APBB1IP: variants seen among roughly 807,000 people sequenced by gnomAD.
The protein encoded by APBB1IP is amyloid beta precursor protein binding family B member 1 interacting protein, also known as amyloid beta A4 precursor protein-binding family B member 1-interacting protein.
A neutral mutation model predicts 64.9 loss-of-function variants in APBB1IP; 27 were observed. The ratio of observed to expected loss-of-function variants is 0.42; its 90% CI spans 0.31 to 0.57. The LOEUF is 0.57. APBB1IP is among the 20% of genes least tolerant of loss of function. The pLI, the probability that APBB1IP is intolerant of heterozygous loss-of-function variation, is 0.20. For synonymous variants in APBB1IP, 392 were observed against 331.0 expected (o/e 1.18, Z -2.00); for missense variants, 812 against 845.5 (o/e 0.96, Z 0.49).
chr10:26,519,483 A>G (rs908787329), intron 8 of APBB1IP, among the ~76,000 whole-genome samples: 2 of 152,124 alleles, frequency 1.3e-5, no homozygotes, highest in Non-Finnish European at 1.5e-5. Context: ...ACATGCTTTT[A>G]AACACCCAGA....
intron 2 of APBB1IP, among the ~76,000 whole-genome samples, chr10:26,469,628 G>A (rs1415788099): frequency 6.6e-6 from 1 of 151,714 alleles, no homozygotes; most frequent in East Asian, 1.9e-4. Context: ...AGATTCATTG[G>A]ATACGTGTAC....
intron 11 of APBB1IP, 98 bp from the exon 12 acceptor site, chr10:26,560,007 A>G: frequency 2.0e-6 from 2 of 985,432 alleles, no homozygotes; most frequent in Admixed American, 1.8e-5. Flanking sequence ...CATAAATCAC[A>G]TATATTGTTA....
chr10:26,530,868 G>T (rs2132461316), intron 8 of APBB1IP, among the ~76,000 whole-genome samples: 1 of 152,124 alleles, frequency 6.6e-6, no homozygotes, highest in Middle Eastern at 3.4e-3. Context: ...GTTTCCAGCA[G>T]GTAGAATATG....
At chr10:26,513,219 A>G (rs1334921000) in intron 7 of APBB1IP, among the ~76,000 whole-genome samples, 1 of 152,200 alleles carries the variant, frequency 6.6e-6, no homozygotes, top group Non-Finnish European at 1.5e-5. Context: ...GCCTGTGAAT[A>G]GCCACTGCAC....
intron 2 of APBB1IP, among the ~76,000 whole-genome samples, chr10:26,459,897 A>G (rs893581203): frequency 6.6e-6 from 1 of 152,120 alleles, no homozygotes; most frequent in Non-Finnish European, 1.5e-5. Context: ...TCTTTCCCCT[A>G]TTAATCAGTC....
chr10:26,470,744 A>G (rs1835706697), intron 2 of APBB1IP, among the ~76,000 whole-genome samples: 2 of 152,196 alleles, frequency 1.3e-5, no homozygotes, highest in Non-Finnish European at 1.5e-5. Flanking sequence ...AGGAGCATCC[A>G]TAATATGCCA....
chr10:26,537,439 T>C (rs1836639576), intron 10 of APBB1IP, among the ~76,000 whole-genome samples: 2 of 152,184 alleles, frequency 1.3e-5, no homozygotes, highest in Non-Finnish European at 2.9e-5. Context: ...CTGTTCTCCT[T>C]AGCCTCTTCC....
At chr10:26,439,366 T>G (rs1835314608) in intron 2 of APBB1IP, among the ~76,000 whole-genome samples, 3 of 152,172 alleles carry the variant, frequency 2.0e-5, no homozygotes, top group Admixed American at 1.3e-4. Context: ...CTAAAACTTT[T>G]GGACAACTCT....
chr10:26,503,352 A>G (rs2132439353), intron 6 of APBB1IP, 78 bp downstream of exon 6: 1 of 1,474,434 alleles, frequency 6.8e-7, no homozygotes, highest in East Asian at 2.3e-5. Context: ...AAAACAAAAT[A>G]AAGCCGGGCG....
intron 13 of APBB1IP, 148 bp from the exon 14 acceptor site, chr10:26,562,178 G>A (rs1461168391): frequency 3.1e-6 from 2 of 635,132 alleles, no homozygotes; most frequent in Non-Finnish European, 5.6e-6. Context: ...TCTTTGCTTT[G>A]TTTTTATTTT....
Position 26,536,138 on chromosome 10 carries a change from A to T in APBB1IP, c.965A>T (p.Asp322Val), listed in dbSNP as rs1157570303. Residue 322 changes from aspartate (D) to valine (V), a missense_variant, in exon 10 of 15, where the codon GAT becomes GTT. Physicochemically the swap from Asp to Val is radical, Grantham distance 152. Coordinates refer to ENST00000376236, the MANE Select transcript of APBB1IP (RefSeq NM_019043.4). ...ELEGALYLKE[D>V]GKKSWKRRYF... ...GAAGGAGCTCTTTATTTGAAAGAAG[A>T]TGGAAAGAAATCCTGGAAAAGGCGC... The T allele has an allele frequency of 6.2e-7, 1 of 1,610,454 alleles. No individual in the cohort carries two copies. The highest frequency in any genetic ancestry group is 8.5e-7 in the Non-Finnish European group (1 of 1,178,592).
chr10:26,496,087 T>A (rs899372408), intron 3 of APBB1IP, among the ~76,000 whole-genome samples: 2 of 150,614 alleles, frequency 1.3e-5, no homozygotes, highest in African/African-American at 4.9e-5. Flanking sequence ...ATTGACGTGG[T>A]CTGTTTCAAG....
intron 2 of APBB1IP, among the ~76,000 whole-genome samples, chr10:26,483,427 A>C (rs1479238449): frequency 6.6e-6 from 1 of 152,192 alleles, no homozygotes; most frequent in East Asian, 1.9e-4. Context: ...CAATGCACGT[A>C]ACGCACCAGG....
intron 2 of APBB1IP, among the ~76,000 whole-genome samples, chr10:26,451,741 T>G (rs529645913): frequency 6.6e-6 from 1 of 152,350 alleles, no homozygotes; most frequent in East Asian, 1.9e-4. Flanking sequence ...TTGGATTAAG[T>G]TAAACTGAGC....
intron 2 of APBB1IP, among the ~76,000 whole-genome samples, chr10:26,472,921 G>T (rs1003389964): frequency 1.1e-4 from 16 of 141,312 alleles, no homozygotes; most frequent in African/African-American, 4.4e-4. Flanking sequence ...TGGGCGACAG[G>T]GGGAGACTTC....
At chr10:26,477,999 T>C (rs1206621611) in intron 2 of APBB1IP, among the ~76,000 whole-genome samples, 1 of 152,236 alleles carries the variant, frequency 6.6e-6, no homozygotes, top group African/African-American at 2.4e-5. Context: ...TATCATGTAT[T>C]TACATTATTC....
intron 11 of APBB1IP, among the ~76,000 whole-genome samples, chr10:26,558,664 C>A (rs956133245): frequency 6.6e-6 from 1 of 150,406 alleles, no homozygotes; most frequent in Admixed American, 6.6e-5. Context: ...GTGGTCCCAG[C>A]GACAGAGGAG....
At position 26,492,730 on chromosome 10, in the gene APBB1IP, CAG is replaced by C. The variant is rs1264132283; in HGVS notation, c.72+336_72+337del. Among the ~76,000 whole-genome samples, 5 of 152,206 alleles carry C rather than the reference CAG, an allele frequency of 3.3e-5. No individual in the cohort carries two copies. The South Asian group carries it at 8.3e-4, about 25-fold the overall frequency. ...GAGTGTATGAATAGGGTGTGGGTCACAGAGATCACATGCTTCAAGGGCAACAA... is the reference window on the plus strand; with the variant it reads ...GAGTGTATGAATAGGGTGTGGGTCACAGATCACATGCTTCAAGGGCAACAA... On this transcript the variant is annotated intron_variant, in intron 3 of 14. Coordinates refer to ENST00000376236, the MANE Select transcript of APBB1IP (RefSeq NM_019043.4).
At chr10:26,553,302 G>A (rs1241907655) in intron 11 of APBB1IP, among the ~76,000 whole-genome samples, 1 of 151,924 alleles carries the variant, frequency 6.6e-6, no homozygotes, top group Non-Finnish European at 1.5e-5. Flanking sequence ...TTACAGGTGT[G>A]AGCCACCGCA....
Sources: allele counts gnomAD v4.1 joint callset (sites outside exome capture counted in the v4.1 genomes callset), GRCh38; gene constraint gnomAD v4.1.1; transcripts MANE v1.5; gene names NCBI Gene and HGNC (gene_info 2026-07-23, HGNC 2026-07-21).